The following TMEM164 variants were observed in gnomAD, a reference collection of about 807,000 sequenced individuals.
TMEM164 encodes the protein transmembrane protein 164.
TMEM164 carries 4 observed loss-of-function variants against 18.8 expected under a neutral mutation model. The ratio of observed to expected loss-of-function variants is 0.21; its 90% confidence interval spans 0.10 to 0.49. TMEM164 has a LOEUF of 0.49. TMEM164 is among the 20% of genes least tolerant of loss of function. The pLI, the probability that TMEM164 is intolerant of heterozygous loss-of-function variation, is 0.98. For synonymous variants in TMEM164, 86 were observed against 101.7 expected, an observed-to-expected ratio of 0.85 and a Z score of 0.93; for missense variants, 108 against 239.9, an observed-to-expected ratio of 0.45 and a Z score of 3.63.
At chrX:110,032,860 A>G (rs1453239680) in intron 2 of TMEM164, among the ~76,000 whole-genome samples, 3 of 112,234 alleles carry the variant, frequency 2.7e-5, no homozygotes, top group Non-Finnish European at 5.6e-5. Context: ...CAGGCAGCTA[A>G]ATTTAATAAG....
intron 4 of TMEM164, among the ~76,000 whole-genome samples, chrX:110,141,165 A>G (rs2066764496): frequency 9.0e-6 from 1 of 111,371 alleles, no homozygotes; most frequent in South Asian, 3.8e-4. Context: ...AAAAACAAAA[A>G]CAAAAACTTT....
chrX:110,105,679 G>GACAC (rs758900532), intron 3 of TMEM164, among the ~76,000 whole-genome samples: 5,344 of 65,352 alleles, frequency 0.082, 356 homozygotes, highest in African/African-American at 0.2. Flanking sequence ...TAGAAACACA[G>GACAC]ACACACACAC....
Position 110,173,578 on chromosome X carries a change from T to C in TMEM164, c.*127T>C. 1 of 541,941 alleles carries C rather than the reference T, an allele frequency of 1.8e-6. No homozygotes were observed. Among genetic ancestry groups the C allele is most frequent in the Non-Finnish European group, 2.9e-6 (1 of 343,147 alleles). The allele number at this position is 541,941 out of a possible 1,213,427, so 44.7% of individuals were successfully genotyped here. The stretch of plus-strand genomic sequence containing the variant: ...TGTTTGGTGTATTTCTTTTTCCTCC[T>C]TTCTGTCCCTTTCTTCTACCACTCT... On this transcript the variant is annotated 3_prime_UTR_variant, in exon 7 of 7. Transcript: ENST00000372068.
At chrX:110,031,877 T>TATTATC (rs1238415630) in intron 2 of TMEM164, among the ~76,000 whole-genome samples, 2 of 109,132 alleles carry the variant, frequency 1.8e-5, no homozygotes, top group Non-Finnish European at 3.8e-5. Flanking sequence ...TTATTATTAT[T>TATTATC]ATTATCATTA....
chrX:110,171,933 C>T (rs150969934), intron 6 of TMEM164, among the ~76,000 whole-genome samples: 2,284 of 112,272 alleles, frequency 0.02, 49 homozygotes, highest in African/African-American at 0.071. Context: ...CTTCCCTGAG[C>T]TTCATGGCCA....
At chrX:110,022,209 G>C (rs1419839271) in intron 2 of TMEM164, among the ~76,000 whole-genome samples, 1 of 111,747 alleles carries the variant, frequency 8.9e-6, no homozygotes, top group Non-Finnish European at 1.9e-5. Flanking sequence ...ATGTGTGTGT[G>C]TGTGTGTGTG....
At chrX:110,121,177 T>C (rs967014827) in intron 4 of TMEM164, among the ~76,000 whole-genome samples, 4 of 112,625 alleles carry the variant, frequency 3.6e-5, no homozygotes, top group Non-Finnish European at 7.5e-5. Flanking sequence ...TCACAATTTT[T>C]TGTAAAGGGG....
chrX:110,147,538 T>C (rs1003878517), intron 5 of TMEM164, among the ~76,000 whole-genome samples: 1 of 111,360 alleles, frequency 9.0e-6, no homozygotes, highest in African/African-American at 3.3e-5. Flanking sequence ...CAGAGCCCCC[T>C]CTGTCTCTTC....
rs1350020734 is a variant in TMEM164, at chrX:110,023,822, A to T, written c.390+19658A>T. 3.6e-5 allele frequency among the ~76,000 whole-genome samples: 4 copies of T among 111,896 alleles called. No homozygotes were observed. The Admixed American group carries it at 3.8e-4, about 11-fold the overall frequency. On this transcript the variant is annotated intron_variant, in intron 2 of 6. Transcript: ENST00000372068. ...CTAACATGAAAATAAGTTACTAATT[A>T]TATTTTTGTATTGACGAAGAACCAT... is the stretch of plus-strand genomic sequence containing the variant.
At chrX:110,094,339 A>G (rs142700619) in intron 3 of TMEM164, among the ~76,000 whole-genome samples, 6,068 of 111,561 alleles carry the variant, frequency 0.054, 402 homozygotes, top group African/African-American at 0.18. Context: ...GTAGGTCTCT[A>G]AGGACTTGCT....
intron 4 of TMEM164, among the ~76,000 whole-genome samples, chrX:110,137,590 A>G (rs966423615): frequency 4.5e-5 from 5 of 111,869 alleles, no homozygotes; most frequent in Non-Finnish European, 7.5e-5. Flanking sequence ...GCTCTGCAAA[A>G]CTACATACCA....
intron 2 of TMEM164, among the ~76,000 whole-genome samples, chrX:110,061,124 T>C (rs774333249): frequency 9.8e-5 from 11 of 112,367 alleles, no homozygotes; most frequent in Non-Finnish European, 2.1e-4. Flanking sequence ...GAAAATTTAA[T>C]ATGATTTGTT....
chrX:110,119,322 A>G (rs1262800634), intron 4 of TMEM164, among the ~76,000 whole-genome samples: 2 of 111,425 alleles, frequency 1.8e-5, no homozygotes, highest in African/African-American at 6.5e-5. Context: ...GGCCAGGTGC[A>G]GTGGCTCCCA....
chrX:110,128,078 C>G (rs2066560384), intron 4 of TMEM164, among the ~76,000 whole-genome samples: 1 of 112,464 alleles, frequency 8.9e-6, no homozygotes, highest in African/African-American at 3.2e-5. Flanking sequence ...TCTTTAGAAC[C>G]TAAGACCTAT....
intron 5 of TMEM164, among the ~76,000 whole-genome samples, chrX:110,149,957 C>T (rs2066917221): frequency 1.8e-5 from 2 of 111,866 alleles, no homozygotes; most frequent in Admixed American, 1.9e-4. Context: ...TGCCAGGATC[C>T]AGACTGACCA....
chrX:110,123,247 G>A (rs2066477156), intron 4 of TMEM164, among the ~76,000 whole-genome samples: 1 of 111,982 alleles, frequency 8.9e-6, no homozygotes, highest in South Asian at 3.7e-4. Flanking sequence ...TTTATTTTTA[G>A]ACCCTCAGTT....
intron 3 of TMEM164, among the ~76,000 whole-genome samples, chrX:110,086,674 A>ATGTG (rs369953183): frequency 1.3e-4 from 12 of 90,440 alleles, no homozygotes; most frequent in South Asian, 4.2e-4. Context: ...GTGTGTATAT[A>ATGTG]TGTGTGTGTG....
At chrX:110,133,605 G>A (rs1325572037) in intron 4 of TMEM164, among the ~76,000 whole-genome samples, 1 of 111,619 alleles carries the variant, frequency 9.0e-6, no homozygotes, top group African/African-American at 3.3e-5. Flanking sequence ...ATGAATTTGG[G>A]GAGAGACACA....
chrX:110,029,407 C>T (rs746638269), intron 2 of TMEM164, among the ~76,000 whole-genome samples: 2 of 111,835 alleles, frequency 1.8e-5, no homozygotes, highest in African/African-American at 6.5e-5. Context: ...GAGCCAAATC[C>T]TGTTACCTCT....
Sources: allele counts gnomAD v4.1 joint callset (sites outside exome capture counted in the v4.1 genomes callset), GRCh38; gene constraint gnomAD v4.1.1; transcripts MANE v1.5; gene names NCBI Gene and HGNC (gene_info 2026-07-23, HGNC 2026-07-21).